The following DLG2 variants were observed in gnomAD, a reference collection of about 807,000 sequenced individuals.
DLG2 encodes disks large homolog 2.
In DLG2, 45 loss-of-function variants were observed where a neutral mutation model predicts 132.5. The observed-to-expected ratio is 0.34, with a 90% CI of 0.27 to 0.44. DLG2 has a LOEUF of 0.44. Among genes scored for constraint, DLG2 ranks in the 20% least tolerant of loss-of-function variants. The probability of loss-of-function intolerance (pLI) is 1.00; values close to 1 mark genes in which losing one functional copy is unlikely to be tolerated. For synonymous variants in DLG2, 424 were observed against 419.6 expected (o/e 1.01, Z -0.13); for missense variants, 1,045 against 1,196.9 (o/e 0.87, Z 1.87).
At chr11:85,101,186 T>C (rs865959847) in intron 6 of DLG2, among the ~76,000 whole-genome samples, 4 of 152,064 alleles carry the variant, frequency 2.6e-5, no homozygotes. Flanking sequence ...ACTGCCAATA[T>C]AGCAGGCTTC....
At chr11:85,470,173 A>G (rs2092935802) in intron 3 of DLG2, among the ~76,000 whole-genome samples, 1 of 151,928 alleles carries the variant, frequency 6.6e-6, no homozygotes. Context: ...AACTTTGGTG[A>G]AAAATCAGAA....
intron 16 of DLG2, among the ~76,000 whole-genome samples, chr11:83,850,160 G>GTGTGT (rs1452960432): frequency 2.4e-5 from 3 of 124,372 alleles, no homozygotes; most frequent in African/African-American, 3.6e-5. Context: ...GTGTGTGTGT[G>GTGTGT]TTTTTTTACT....
chr11:84,906,162 A>G (rs1292806470), intron 6 of DLG2, among the ~76,000 whole-genome samples: 3 of 151,838 alleles, frequency 2.0e-5, no homozygotes, highest in Non-Finnish European at 4.4e-5. Context: ...TTCTTGAACA[A>G]CAGAGTTAAG....
Position 83,770,255 on chromosome 11 carries a change from G to GTTTTTTTTTT in DLG2, c.1825+16434_1825+16435insAAAAAAAAAA, listed in dbSNP as rs143065797. The stretch of plus-strand genomic sequence containing the variant: ...TACCTTTTGTCTCGTGGTGTCTGGT[G>GTTTTTTTTTT]TTTTTTTTTGTTTTTTTGCTTTTTG... On this transcript the variant is annotated intron_variant, in intron 18 of 27. Transcript: ENST00000376104. Among the ~76,000 whole-genome samples, 128 of 109,808 alleles carry GTTTTTTTTTT rather than the reference G, an allele frequency of 1.2e-3. 8 individuals are homozygous for GTTTTTTTTTT. Among genetic ancestry groups the GTTTTTTTTTT allele is most frequent in the African/African-American group, 4.7e-3 (115 of 24,354 alleles). The allele number at this position is 109,808 out of a possible 152,430, so 72.0% of individuals were successfully genotyped here. A position where few individuals can be genotyped will look rare whatever the true frequency, so the allele number is the denominator to read the frequency against.
At chr11:84,626,249 C>T (rs2099622311) in intron 6 of DLG2, among the ~76,000 whole-genome samples, 1 of 152,154 alleles carries the variant, frequency 6.6e-6, no homozygotes, top group South Asian at 2.1e-4. Flanking sequence ...GTAAGAAGCA[C>T]ACCATTTTCT....
At chr11:85,288,492 C>T (rs2078696237) in intron 3 of DLG2, among the ~76,000 whole-genome samples, 1 of 151,790 alleles carries the variant, frequency 6.6e-6, no homozygotes. Context: ...CATCTTGCCT[C>T]ACGTATTAAT....
intron 3 of DLG2, among the ~76,000 whole-genome samples, chr11:85,460,250 C>T (rs2092563130): frequency 6.6e-6 from 1 of 152,204 alleles, no homozygotes; most frequent in South Asian, 2.1e-4. Flanking sequence ...GCTCCAGTCA[C>T]TAATGCTGGG....
At chr11:83,686,190 C>T (rs1182614141) in intron 18 of DLG2, among the ~76,000 whole-genome samples, 3 of 152,134 alleles carry the variant, frequency 2.0e-5, no homozygotes, top group Non-Finnish European at 4.4e-5. Flanking sequence ...CCTTGCTCAG[C>T]TCCCTTCAGC....
intron 7 of DLG2, among the ~76,000 whole-genome samples, chr11:84,472,988 T>A (rs544081801): frequency 6.6e-6 from 1 of 152,036 alleles, no homozygotes; most frequent in South Asian, 2.1e-4. Flanking sequence ...GCCAGAAAAA[T>A]TGCCCAACAT....
chr11:84,438,447 A>G (rs1043537073), intron 7 of DLG2, among the ~76,000 whole-genome samples: 1 of 151,898 alleles, frequency 6.6e-6, no homozygotes, highest in Non-Finnish European at 1.5e-5. Context: ...AACTAAAAAG[A>G]GCAAACTACT....
At chr11:84,745,404 G>A (rs896061008) in intron 6 of DLG2, among the ~76,000 whole-genome samples, 3 of 152,128 alleles carry the variant, frequency 2.0e-5, no homozygotes, top group Admixed American at 6.5e-5. Context: ...CTGGCCATAT[G>A]ACATGTCTGT....
At chr11:84,693,546 C>T (rs867595013) in intron 6 of DLG2, among the ~76,000 whole-genome samples, 5 of 151,650 alleles carry the variant, frequency 3.3e-5, no homozygotes, top group Admixed American at 2.0e-4. Context: ...AGCATATCCA[C>T]GTTCCACATG....
intron 3 of DLG2, among the ~76,000 whole-genome samples, chr11:85,420,529 A>G (rs2090208626): frequency 1.3e-5 from 2 of 151,994 alleles, no homozygotes; most frequent in African/African-American, 4.8e-5. Flanking sequence ...AGTTGAGCCC[A>G]CATCCCCCCT....
In DLG2 at chr11:85,321,010, A is replaced by AAAAAT. The variant is rs201924335; in HGVS notation, c.41-35650_41-35646dup. ...CCTCCTTAGTCTCATGTATGGTCCA[A>AAAAAT]AAAATAAAATAAAATAAAATAAAAT... On this transcript the variant is annotated intron_variant, in intron 3 of 27. Transcript: ENST00000376104. 2.3e-3 allele frequency among the ~76,000 whole-genome samples: 350 copies of AAAAAT among 151,972 alleles called. 1 individual carries two copies. The highest frequency in any genetic ancestry group is 7.7e-3 in the African/African-American group (319 of 41,514).
chr11:85,173,476 C>T (rs1286196935), intron 4 of DLG2, among the ~76,000 whole-genome samples: 1 of 152,068 alleles, frequency 6.6e-6, no homozygotes, highest in Non-Finnish European at 1.5e-5. Flanking sequence ...GAAGGAAGCA[C>T]TAAATATGGA....
At chr11:84,633,485 C>G (rs536892555) in intron 6 of DLG2, among the ~76,000 whole-genome samples, 1 of 152,058 alleles carries the variant, frequency 6.6e-6, no homozygotes, top group African/African-American at 2.4e-5. Context: ...TCGTGCACCA[C>G]TTACTCCAAG....
chr11:85,061,232 G>A (rs541211615), intron 6 of DLG2, among the ~76,000 whole-genome samples: 5 of 151,636 alleles, frequency 3.3e-5, no homozygotes, highest in Admixed American at 3.3e-4. Flanking sequence ...GTTTGATATA[G>A]TCCCACTTGT....
In DLG2 at chr11:83,833,634, T is replaced by G. The variant is rs1291369522; in HGVS notation, c.1702A>C (p.Arg568=). 4.3e-6 allele frequency: 7 copies of G among 1,613,888 alleles called. No homozygotes were observed. The highest frequency in any genetic ancestry group is 5.9e-6 in the Non-Finnish European group (7 of 1,179,940). Residue 568 remains arginine, a synonymous_variant, in exon 17 of 28, where the codon AGA becomes CGA. Transcript: ENST00000376104. Reference sequence around the variant, plus strand: ...CTCACCGATAGGATCTGGTCTCCTCTCTGGAGCTCCCCACTTAGGTCTGCT... The same window carrying G: ...CTCACCGATAGGATCTGGTCTCCTCGCTGGAGCTCCCCACTTAGGTCTGCT... The part of the protein sequence containing the change: ...GPADLSGELQ[R]GDQILSVNGI...
At chr11:84,839,029 A>G (rs1159906550) in intron 6 of DLG2, among the ~76,000 whole-genome samples, 2 of 152,108 alleles carry the variant, frequency 1.3e-5, no homozygotes, top group Non-Finnish European at 2.9e-5. Context: ...AGGGTATTCA[A>G]TTAGGAAAAG....
Sources: allele counts gnomAD v4.1 joint callset (sites outside exome capture counted in the v4.1 genomes callset), GRCh38; gene constraint gnomAD v4.1.1; transcripts MANE v1.5; gene names NCBI Gene and HGNC (gene_info 2026-07-23, HGNC 2026-07-21).